The following HCRTR1 variants were observed in gnomAD, a reference collection of about 807,000 sequenced individuals.
The protein encoded by HCRTR1 is orexin/Hypocretin receptor type 1.
In HCRTR1, 28 loss-of-function variants were observed where a neutral mutation model predicts 40.6. That is an observed-to-expected ratio of 0.69 (90% CI 0.51 to 0.95). HCRTR1 has a LOEUF of 0.95. HCRTR1 is among the 40% of genes least tolerant of loss of function. The pLI, the probability that HCRTR1 is intolerant of heterozygous loss-of-function variation, is 0.00. For synonymous variants in HCRTR1, 209 were observed against 230.0 expected (o/e 0.91, Z 0.83); for missense variants, 482 against 564.7 (o/e 0.85, Z 1.48).
At chr1:31,631,079 T>C (rs1308170057), downstream of HCRTR1, among the ~76,000 whole-genome samples, 4 of 152,194 alleles carry the variant, frequency 2.6e-5, no homozygotes, top group Non-Finnish European at 5.9e-5. Context: ...ATCTCCATTA[T>C]TGTCTCTTCA....
rs1022913155 is a variant in HCRTR1 at position 31,627,116 on chromosome 1, G to A, written c.*136G>A. On this transcript the variant is annotated 3_prime_UTR_variant, in exon 9 of 9. Coordinates refer to ENST00000403528, the MANE Select transcript of HCRTR1 (RefSeq NM_001525.3). ...TGACTCTGGATAAGTCACTTCCTCT[G>A]TCTGAGCTTGTGTCCCCTAAGCAGG... 14 of 1,437,002 alleles carry A rather than the reference G, an allele frequency of 9.7e-6. No individual in the cohort carries two copies. Among genetic ancestry groups the A allele is most frequent in the African/African-American group, 5.7e-5 (4 of 70,590 alleles). The allele number at this position is 1,437,002 out of a possible 1,614,324, so 89.0% of individuals were successfully genotyped here. A position where few individuals can be genotyped will look rare whatever the true frequency, so the allele number is the denominator to read the frequency against.
Position 31,627,253 on chromosome 1 carries a change from A to G in HCRTR1, c.*273A>G. 1 of 1,454,978 alleles carries G rather than the reference A, an allele frequency of 6.9e-7. No individual in the cohort carries two copies. The highest frequency in any genetic ancestry group is 3.0e-5 in the East Asian group (1 of 33,280). 90.1% of individuals were successfully genotyped at this position (1,454,978 alleles called of 1,614,324 possible). On this transcript the variant is annotated 3_prime_UTR_variant, in exon 9 of 9. Transcript: ENST00000403528. ...CTCTCATTTGGCCATACCCCACAGT[A>G]TAATCTGTCCCCATCCTCCTTCCAG...
chr1:31,633,156 C>A (rs1421850055), downstream of HCRTR1: 9 of 1,612,730 alleles, frequency 5.6e-6, no homozygotes, highest in Admixed American at 1.3e-4. Context: ...GGCGGAGACT[C>A]ACTTATCATC....
chr1:31,626,966 AC>A lies in HCRTR1; in HGVS notation c.1265del (p.Thr422LysfsTer60), dbSNP rs1305866241. The A allele has an allele frequency of 6.2e-7, 1 of 1,612,474 alleles. No individual in the cohort carries two copies. The highest frequency in any genetic ancestry group is 8.5e-7 in the Non-Finnish European group (1 of 1,179,986). ...GCATGTGGTGCTCACCAGCGTCACCACAGTGCTGCCCTGAGCGAGGGCTGCC... is the reference window on the plus strand; with the variant it reads ...GCATGTGGTGCTCACCAGCGTCACCAAGTGCTGCCCTGAGCGAGGGCTGCC... ...SEHVVLTSVTTVLP is the reference protein window; with the variant it reads ...SEHVVLTSVTXVLP On this transcript the variant is annotated frameshift_variant, in exon 9 of 9. Transcript: ENST00000403528. LOFTEE classifies it high-confidence loss of function. This position sits in a 1 kb window ranked among gnomAD's most constrained non-coding sequence, Gnocchi z 4.6.
At chr1:31,627,655 G>T, downstream of HCRTR1, 1 of 297,588 alleles carries the variant, frequency 3.4e-6, no homozygotes, top group South Asian at 2.9e-5. Context: ...GTGCTGCTTA[G>T]GTTAGGAGCA....
Position 31,619,622 on chromosome 1 carries a change from C to T in HCRTR1, c.290C>T (p.Ala97Val). The T allele has an allele frequency of 6.2e-7, 1 of 1,614,052 alleles. No individual in the cohort carries two copies. Among genetic ancestry groups the T allele is most frequent in the Non-Finnish European group, 8.5e-7 (1 of 1,179,966 alleles). ...TCCCTGGCTGACGTTCTGGTGACTG[C>T]TATCTGCCTGCCGGCCAGCCTGCTG... ...NLSLADVLVT[A>V]ICLPASLLVD... Residue 97 changes from alanine to valine, a missense_variant, in exon 4 of 9, where the codon GCT becomes GTT. By Grantham distance (64) the Ala-to-Val change is moderately conservative. Transcript: ENST00000403528.
In HCRTR1 at chr1:31,627,040, C is replaced by T. The variant is rs1432376919; in HGVS notation, c.*60C>T. ...TCTGCCCCTACCCCTCATGGAAAGA[C>T]AGCTGGATGTGGTGAAAGGCTGTGG... On this transcript the variant is annotated 3_prime_UTR_variant, in exon 9 of 9. Transcript: ENST00000403528. 3.2e-6 allele frequency: 5 copies of T among 1,555,320 alleles called. No individual in the cohort carries two copies. The highest frequency in any genetic ancestry group is 3.5e-6 in the Non-Finnish European group (4 of 1,155,754).
downstream of HCRTR1, among the ~76,000 whole-genome samples, chr1:31,634,215 T>C (rs1287680622): frequency 6.6e-6 from 1 of 152,116 alleles, no homozygotes; most frequent in Non-Finnish European, 1.5e-5. Flanking sequence ...AAAACATCGG[T>C]GTCATAGGGG....
chr1:31,626,384 G>A lies in HCRTR1; in HGVS notation c.1088-406G>A, dbSNP rs113385475. Among the ~76,000 whole-genome samples the A allele has an allele frequency of 1.3e-5, 2 of 152,318 alleles. No homozygotes were observed. The highest frequency in any genetic ancestry group is 4.8e-5 in the African/African-American group (2 of 41,576). On this transcript the variant is annotated intron_variant, in intron 8 of 8. Transcript: ENST00000403528. This position sits in a 1 kb window ranked among gnomAD's most constrained non-coding sequence, Gnocchi z 4.6. Reference sequence around the variant, plus strand: ...CTGAGGCGCCCAGCACAGCGTGACTGCCAAATGCAAAAGGGCTGCTGCTGC... The same window carrying A: ...CTGAGGCGCCCAGCACAGCGTGACTACCAAATGCAAAAGGGCTGCTGCTGC...
intron 7 of HCRTR1, among the ~76,000 whole-genome samples, 163 bp from the exon 8 acceptor site, chr1:31,624,834 C>G (rs1287624402): frequency 6.6e-6 from 1 of 152,120 alleles, no homozygotes; most frequent in Non-Finnish European, 1.5e-5. Context: ...CTTGAGAACC[C>G]CAAACCCTGG....
intron 4 of HCRTR1, among the ~76,000 whole-genome samples, chr1:31,620,465 A>T (rs1326692767): frequency 2.0e-5 from 3 of 152,196 alleles, no homozygotes; most frequent in African/African-American, 7.2e-5. Context: ...CAGTTTCCTC[A>T]TCTGTAACAG....
chr1:31,632,161 G>C (rs1274385863), downstream of HCRTR1, among the ~76,000 whole-genome samples: 2 of 152,208 alleles, frequency 1.3e-5, no homozygotes, highest in Non-Finnish European at 2.9e-5. Flanking sequence ...AGAAACTGGA[G>C]AGAAAGGAGT....
intron 6 of HCRTR1, among the ~76,000 whole-genome samples, chr1:31,622,393 C>G (rs936886672): frequency 6.6e-6 from 1 of 151,940 alleles, no homozygotes; most frequent in African/African-American, 2.4e-5. Flanking sequence ...CAGGCCATGC[C>G]GGGCAGCGGA....
chr1:31,633,402 C>G, downstream of HCRTR1: 1 of 1,362,260 alleles, frequency 7.3e-7, no homozygotes, highest in Non-Finnish European at 9.9e-7. Context: ...CTCCTACACA[C>G]GAAGCTTCAC....
In HCRTR1 at chr1:31,620,886, C is replaced by T. The variant is rs1487077579; in HGVS notation, c.422C>T (p.Ala141Val). Reference protein sequence around the residue: ...SVAVLTLSFIALDRWYAICHP... With the variant: ...SVAVLTLSFIVLDRWYAICHP... ...GCAGTGCTAACTCTCAGCTTCATCG[C>T]CCTGGACCGCTGGTATGCCATCTGC... Residue 141 changes from alanine to valine, a missense_variant, in exon 5 of 9, where the codon GCC becomes GTC. By Grantham distance (64) the Ala-to-Val change is moderately conservative (BLOSUM62 0). Transcript: ENST00000403528. 2 of 1,614,164 alleles carry T rather than the reference C, an allele frequency of 1.2e-6. No individual in the cohort carries two copies. Among genetic ancestry groups the T allele is most frequent in the Non-Finnish European group, 1.7e-6 (2 of 1,180,020 alleles).
At chr1:31,632,473 G>A (rs368801362), downstream of HCRTR1, 33 of 1,614,080 alleles carry the variant, frequency 2.0e-5, no homozygotes, top group Middle Eastern at 1.6e-4. Flanking sequence ...CCTGCCCATC[G>A]TGCCCCGGCC....
chr1:31,629,522 T>A (rs1640038052), downstream of HCRTR1, among the ~76,000 whole-genome samples: 2 of 152,170 alleles, frequency 1.3e-5, no homozygotes, highest in African/African-American at 4.8e-5. Flanking sequence ...ACTTAATAAA[T>A]GGAGTTTGTC....
Position 31,627,165 on chromosome 1 carries a change from T to C in HCRTR1, c.*185T>C. 1.4e-6 allele frequency: 2 copies of C among 1,437,222 alleles called. No individual in the cohort carries two copies. Among genetic ancestry groups the C allele is most frequent in the Non-Finnish European group, 1.9e-6 (2 of 1,079,286 alleles). The allele number at this position is 1,437,222 out of a possible 1,614,324, so 89.0% of individuals were successfully genotyped here. A position where few individuals can be genotyped will look rare whatever the true frequency, so the allele number is the denominator to read the frequency against. On this transcript the variant is annotated 3_prime_UTR_variant, in exon 9 of 9. Coordinates refer to ENST00000403528, the MANE Select transcript of HCRTR1 (RefSeq NM_001525.3). ...GGGTTGATGTGAGGATTAAGCATGC[T>C]GAAGCAAGTGGAAAGCTCCTTGTAA...
In HCRTR1 at chr1:31,623,722, C is replaced by T. The variant is rs746884559; in HGVS notation, c.938C>T (p.Pro313Leu). The T allele has an allele frequency of 6.2e-7, 1 of 1,614,060 alleles. No individual in the cohort carries two copies. Among genetic ancestry groups the T allele is most frequent in the Non-Finnish European group, 8.5e-7 (1 of 1,179,974 alleles). ...VLLVFALCYL[P>L]ISVLNVLKRV... is the part of the protein sequence containing the mutation. The stretch of plus-strand genomic sequence containing the variant: ...CTGGTCTTCGCCCTCTGCTACCTGC[C>T]CATCAGCGTCCTCAATGTCCTTAAG... Residue 313 changes from proline (P) to leucine (L), a missense_variant, in exon 7 of 9, where the codon CCC (proline) becomes CTC (leucine). Pro to Leu is a moderately conservative substitution (Grantham distance 98, BLOSUM62 -3). Transcript: ENST00000403528.
Sources: allele counts gnomAD v4.1 joint callset (sites outside exome capture counted in the v4.1 genomes callset), GRCh38; gene constraint gnomAD v4.1.1; non-coding constraint Gnocchi (gnomAD v3.1); transcripts MANE v1.5; gene names NCBI Gene and HGNC (gene_info 2026-07-23, HGNC 2026-07-21).